PAICS: variants seen among roughly 807,000 people sequenced by gnomAD.
The protein encoded by PAICS is phosphoribosylaminoimidazole carboxylase and phosphoribosylaminoimidazolesuccinocarboxamide synthase, also known as bifunctional phosphoribosylaminoimidazole carboxylase/phosphoribosylaminoimidazole succinocarboxamide synthetase.
Under a neutral mutation model 53.7 loss-of-function variants are expected in PAICS, and 33 were observed. The ratio of observed to expected loss-of-function variants is 0.61; its 90% confidence interval spans 0.47 to 0.82. The LOEUF is 0.82. Ranked by LOEUF, PAICS falls within the 40% of genes least tolerant of loss-of-function variation. The probability of loss-of-function intolerance (pLI) is 0.00; values close to 1 mark genes in which losing one functional copy is unlikely to be tolerated. For missense variants in PAICS, 394 were observed against 494.1 expected (o/e 0.80, Z 1.92); for synonymous variants, 141 against 167.2 (o/e 0.84, Z 1.21).
At chr4:56,437,063 G>C (rs1718034420) in intron 1 of PAICS, among the ~76,000 whole-genome samples, 1 of 152,030 alleles carries the variant, frequency 6.6e-6, no homozygotes, top group African/African-American at 2.4e-5. Flanking sequence ...CATGGTGTGT[G>C]TGTGTGTGTG....
At chr4:56,436,177 G>A (rs1278298335), upstream of PAICS, 2 of 1,505,340 alleles carry the variant, frequency 1.3e-6, no homozygotes, top group South Asian at 1.3e-5. Flanking sequence ...CGGCTGTAGC[G>A]GAGCTCGAAA....
chr4:56,452,524 G>T (rs1718972628), intron 7 of PAICS, among the ~76,000 whole-genome samples: 1 of 152,186 alleles, frequency 6.6e-6, no homozygotes, highest in South Asian at 2.1e-4. Context: ...TATTCTAGAA[G>T]CTTAGAAAAG....
At chr4:56,458,444 C>T (rs1315081387) in intron 8 of PAICS, among the ~76,000 whole-genome samples, 1 of 152,138 alleles carries the variant, frequency 6.6e-6, no homozygotes, top group East Asian at 1.9e-4. Flanking sequence ...AGGCAATGCT[C>T]TAAGCACTTT....
Position 56,452,869 on chromosome 4 carries a change from A to T in PAICS, c.953-734A>T, listed in dbSNP as rs1718986051. On this transcript the variant is annotated intron_variant, in intron 7 of 8. Transcript: ENST00000512576. The stretch of plus-strand genomic sequence containing the variant: ...AACCAAATGTTTCTCAACTGGAAAA[A>T]AATGTTGATTATTTCGTGTACAGGT... Among the ~76,000 whole-genome samples the T allele has an allele frequency of 2.0e-5, 3 of 152,310 alleles. No homozygotes were observed. In the South Asian group the frequency reaches 6.2e-4, roughly 32 times the overall value.
chr4:56,419,956 C>G, the PAICS span: 1 of 983,886 alleles, frequency 1.0e-6, no homozygotes, highest in Non-Finnish European at 1.2e-6. Context: ...ATTCTGGGAC[C>G]CAATAAAACA....
Position 56,459,658 on chromosome 4 carries a change from G to A in PAICS, c.*120G>A. The stretch of plus-strand genomic sequence containing the variant: ...GAGAACACAAATAAAATGTATTAGT[G>A]AATAAATGCTTCTCTAGATCCATAT... On this transcript the variant is annotated 3_prime_UTR_variant, in exon 9 of 9. Coordinates refer to ENST00000512576, the MANE Select transcript of PAICS (RefSeq NM_001079524.2). The A allele has an allele frequency of 1.4e-6, 1 of 694,672 alleles. No individual in the cohort carries two copies. The allele number at this position is 694,672 out of a possible 1,614,324, so 43.0% of individuals were successfully genotyped here.
At chr4:56,435,651 G>A, upstream of PAICS, 1 of 1,424,870 alleles carries the variant, frequency 7.0e-7, no homozygotes, top group Non-Finnish European at 9.3e-7. Flanking sequence ...GGCGTGGCCA[G>A]CTCAGCCCTG....
chr4:56,428,259 A>C, the PAICS span, among the ~76,000 whole-genome samples: 1 of 152,194 alleles, frequency 6.6e-6, no homozygotes, highest in East Asian at 1.9e-4. Flanking sequence ...ATCCTTTAGA[A>C]GATGCTAAAA....
At chr4:56,436,749 C>G (rs1286178742) in intron 1 of PAICS, among the ~76,000 whole-genome samples, 1 of 152,154 alleles carries the variant, frequency 6.6e-6, no homozygotes, top group Non-Finnish European at 1.5e-5. Context: ...AATCCCAGCA[C>G]TTTGGGAGGC....
the PAICS span, chr4:56,419,715 C>A: frequency 1.2e-5 from 12 of 981,216 alleles, no homozygotes; most frequent in Non-Finnish European, 1.3e-5. Flanking sequence ...AGTCAGGGCT[C>A]TAATAGACAT....
intron 5 of PAICS, among the ~76,000 whole-genome samples, chr4:56,450,151 A>G (rs901376863): frequency 3.3e-5 from 5 of 152,078 alleles, no homozygotes; most frequent in Non-Finnish European, 7.4e-5. Flanking sequence ...GAGGGGAACA[A>G]CACACACCGG....
intron 5 of PAICS, among the ~76,000 whole-genome samples, chr4:56,449,805 CAAAAAAAA>C (rs753536092): frequency 1.1e-5 from 1 of 92,616 alleles, no homozygotes; most frequent in Non-Finnish European, 2.2e-5. Flanking sequence ...AACCTTGTCT[CAAAAAAAA>C]AAAAAAAAAA....
intron 8 of PAICS, among the ~76,000 whole-genome samples, chr4:56,457,683 T>A (rs1578162602): frequency 7.1e-6 from 1 of 141,678 alleles, no homozygotes; most frequent in Non-Finnish European, 1.5e-5. Context: ...TTTTTTTTTT[T>A]AAATGGAGTT....
intron 2 of PAICS, chr4:56,446,258 C>T: frequency 3.2e-6 from 2 of 631,230 alleles, no homozygotes; most frequent in South Asian, 3.7e-5. Flanking sequence ...TTTTCATCAT[C>T]CCAAACAAAC....
intron 6 of PAICS, 138 bp downstream of exon 6, chr4:56,450,840 C>G: frequency 3.4e-6 from 2 of 594,884 alleles, no homozygotes; most frequent in South Asian, 4.1e-5. Context: ...TTTTTTGAGA[C>G]GGAGTCTTGC....
At chr4:56,446,367 T>C in intron 2 of PAICS, 1 of 718,100 alleles carries the variant, frequency 1.4e-6, no homozygotes, top group Non-Finnish European at 2.6e-6. Context: ...TTACCTCATA[T>C]AAGTCAAATC....
At chr4:56,432,687 A>C (rs1439675152), upstream of PAICS, among the ~76,000 whole-genome samples, 1 of 151,270 alleles carries the variant, frequency 6.6e-6, no homozygotes, top group Non-Finnish European at 1.5e-5. Context: ...CGGGAGGCTG[A>C]GGCAGGAGAA....
intron 1 of PAICS, among the ~76,000 whole-genome samples, chr4:56,437,258 TGTG>T (rs1718058002): frequency 2.3e-5 from 2 of 85,124 alleles, no homozygotes; most frequent in South Asian, 4.3e-4. Flanking sequence ...GCCATGATGG[TGTG>T]TGTGTGTGTG....
chr4:56,418,128 C>T, the PAICS span, among the ~76,000 whole-genome samples: 1 of 151,538 alleles, frequency 6.6e-6, no homozygotes, highest in Non-Finnish European at 1.5e-5. Context: ...TGAGCCACCG[C>T]ACCTGGCTGA....
Sources: gnomAD v4.1 joint callset for allele counts (sites outside exome capture counted in the v4.1 genomes callset) on GRCh38, gnomAD v4.1.1 for gene constraint, MANE v1.5 for transcripts, NCBI Gene and HGNC (gene_info 2026-07-23, HGNC 2026-07-21) for gene names.